CHRNA7: variants seen among roughly 807,000 people sequenced by gnomAD.
CHRNA7 encodes the protein neuronal acetylcholine receptor subunit alpha-7.
A neutral mutation model predicts 48.0 loss-of-function variants in CHRNA7; 17 were observed. That is an observed-to-expected ratio of 0.35 (90% CI 0.24 to 0.53). The LOEUF is 0.53. Among genes scored for constraint, CHRNA7 ranks in the 20% least tolerant of loss-of-function variants. The pLI, the probability that CHRNA7 is intolerant of heterozygous loss-of-function variation, is 0.92. For synonymous variants in CHRNA7, 75 were observed against 242.3 expected, an observed-to-expected ratio of 0.31 and a Z score of 6.41; for missense variants, 155 against 577.7, an observed-to-expected ratio of 0.27 and a Z score of 7.50.
intron 4 of CHRNA7, among the ~76,000 whole-genome samples, chr15:32,146,921 A>G (rs1287761906): frequency 6.6e-6 from 1 of 152,222 alleles, no homozygotes; most frequent in Non-Finnish European, 1.5e-5. Context: ...AAAAGAACCA[A>G]GTTGGGGGAC....
intron 2 of CHRNA7, among the ~76,000 whole-genome samples, chr15:32,037,427 A>G (rs1047897334): frequency 6.6e-6 from 1 of 152,138 alleles, no homozygotes; most frequent in Non-Finnish European, 1.5e-5. Context: ...GCGTCTCTCT[A>G]TAAACTTTAT....
intron 2 of CHRNA7, among the ~76,000 whole-genome samples, chr15:32,067,950 G>T (rs570796306): frequency 6.6e-6 from 1 of 152,144 alleles, no homozygotes; most frequent in Admixed American, 6.5e-5. Context: ...CAAATTAGAA[G>T]GCAGTAGGGA....
At chr15:32,064,714 C>T (rs1436830390) in intron 2 of CHRNA7, among the ~76,000 whole-genome samples, 3 of 152,040 alleles carry the variant, frequency 2.0e-5, no homozygotes, top group African/African-American at 7.3e-5. Flanking sequence ...GCCTGGCAGT[C>T]AGAGCTCTGG....
At chr15:32,114,185 A>G (rs1180781034) in intron 4 of CHRNA7, among the ~76,000 whole-genome samples, 1 of 151,296 alleles carries the variant, frequency 6.6e-6, no homozygotes, top group Non-Finnish European at 1.5e-5. Flanking sequence ...TATATGTATA[A>G]CATGTTGGTG....
chr15:32,044,253 C>CTCCCT (rs1555373124), intron 2 of CHRNA7, among the ~76,000 whole-genome samples: 49 of 141,022 alleles, frequency 3.5e-4, no homozygotes, highest in African/African-American at 1.3e-3. Context: ...CGATCTTTTC[C>CTCCCT]TCCTTCCTTC....
intron 4 of CHRNA7, among the ~76,000 whole-genome samples, chr15:32,123,819 G>T (rs2051015840): frequency 6.6e-6 from 1 of 151,640 alleles, no homozygotes. Flanking sequence ...ATTTTTCTTT[G>T]TGCCCCTGTG....
intron 4 of CHRNA7, among the ~76,000 whole-genome samples, chr15:32,145,995 G>A (rs1369305367): frequency 2.6e-5 from 4 of 152,172 alleles, no homozygotes; most frequent in African/African-American, 4.8e-5. Context: ...CATCTTCTGC[G>A]TTGATCTCGT....
At chr15:32,107,061 A>AAG (rs1204354742) in intron 3 of CHRNA7, among the ~76,000 whole-genome samples, 14 of 152,254 alleles carry the variant, frequency 9.2e-5, no homozygotes, top group South Asian at 6.2e-4. Context: ...AGTGGGGTGG[A>AAG]AAGGCTGCTT....
In CHRNA7 at chr15:32,041,990, A is replaced by G. The variant is rs549817052; in HGVS notation, c.195+10953A>G. On this transcript the variant is annotated intron_variant, in intron 2 of 9. Transcript: ENST00000306901. The stretch of plus-strand genomic sequence containing the variant: ...ATCTGATAATTCCAATACTGCTGCT[A>G]TGTCTGGTACTAATGCATGTTCTGT... Among the ~76,000 whole-genome samples, 44 of 152,252 alleles carry G rather than the reference A, an allele frequency of 2.9e-4. No individual in the cohort carries two copies. In the South Asian group the frequency reaches 7.9e-3, roughly 27 times the overall value.
At chr15:32,030,833 G>C in intron 1 of CHRNA7, 65 bp from the exon 2 acceptor site, 6 of 1,569,304 alleles carry the variant, frequency 3.8e-6, no homozygotes, top group South Asian at 2.3e-5. Context: ...ACGCCGGCAG[G>C]AGGGAGTCGG....
At chr15:32,152,226 C>T (rs1233094473) in intron 4 of CHRNA7, among the ~76,000 whole-genome samples, 2 of 152,008 alleles carry the variant, frequency 1.3e-5, no homozygotes, top group African/African-American at 2.4e-5. Context: ...GGGTGGATCA[C>T]GAGGCCAGGA....
chr15:32,057,987 A>G (rs536985220), intron 2 of CHRNA7, among the ~76,000 whole-genome samples: 9 of 152,194 alleles, frequency 5.9e-5, no homozygotes, highest in East Asian at 1.9e-4. Context: ...CCTGTTCTTT[A>G]TATTACCGGT....
chr15:32,072,390 T>A (rs2050071690), intron 2 of CHRNA7, among the ~76,000 whole-genome samples: 1 of 152,084 alleles, frequency 6.6e-6, no homozygotes, highest in East Asian at 1.9e-4. Flanking sequence ...GTTAGAAAAT[T>A]TGCAGCCTGG....
intron 2 of CHRNA7, among the ~76,000 whole-genome samples, chr15:32,083,098 A>G (rs569319093): frequency 1.3e-5 from 2 of 152,330 alleles, no homozygotes; most frequent in Admixed American, 6.5e-5. Flanking sequence ...CCTTGGTGCT[A>G]TGGTTTAAAT....
chr15:32,108,167 G>A (rs1185505174), intron 3 of CHRNA7, among the ~76,000 whole-genome samples: 1 of 151,898 alleles, frequency 6.6e-6, no homozygotes, highest in Non-Finnish European at 1.5e-5. Context: ...GCTCGAAGCA[G>A]CACAAATAGG....
chr15:32,135,524 C>T (rs2051240002), intron 4 of CHRNA7, among the ~76,000 whole-genome samples: 1 of 152,182 alleles, frequency 6.6e-6, no homozygotes, highest in South Asian at 2.1e-4. Flanking sequence ...CTATCAGCTG[C>T]TTACGGTCCG....
intron 2 of CHRNA7, among the ~76,000 whole-genome samples, chr15:32,071,410 T>C (rs1006349953): frequency 6.6e-6 from 1 of 152,338 alleles, no homozygotes; most frequent in South Asian, 2.1e-4. Context: ...ATATGTCTGT[T>C]TATTTCTTCT....
intron 2 of CHRNA7, among the ~76,000 whole-genome samples, chr15:32,082,134 T>C (rs1200658498): frequency 6.6e-6 from 1 of 152,160 alleles, no homozygotes; most frequent in Non-Finnish European, 1.5e-5. Context: ...TTTAAGGTGT[T>C]TGTGTGGTCC....
intron 2 of CHRNA7, among the ~76,000 whole-genome samples, chr15:32,043,569 C>T (rs773853608): frequency 3.3e-5 from 5 of 152,100 alleles, no homozygotes; most frequent in Non-Finnish European, 7.4e-5. Flanking sequence ...AATAGGAATC[C>T]ATGACTAAGT....
Sources: gnomAD v4.1 joint callset for allele counts (sites outside exome capture counted in the v4.1 genomes callset) on GRCh38, gnomAD v4.1.1 for gene constraint, MANE v1.5 for transcripts, NCBI Gene and HGNC (gene_info 2026-07-23, HGNC 2026-07-21) for gene names.